The following RAC2 variants were observed in gnomAD, a reference collection of about 807,000 sequenced individuals.
The protein encoded by RAC2 is ras-related C3 botulinum toxin substrate 2.
A neutral mutation model predicts 24.0 loss-of-function variants in RAC2; 1 was observed. The ratio of observed to expected loss-of-function variants is 0.04; its 90% CI spans 0.01 to 0.20. The LOEUF is 0.20. RAC2 is among the 10% of genes least tolerant of loss of function. The pLI is 1.00. For synonymous variants in RAC2, 114 were observed against 106.8 expected, an observed-to-expected ratio of 1.07 and a Z score of -0.41; for missense variants, 130 against 259.1, an observed-to-expected ratio of 0.50 and a Z score of 3.42.
In RAC2 at chr22:37,233,530, G is replaced by A. The variant is rs189813729; in HGVS notation, c.108-612C>T. Among the ~76,000 whole-genome samples, 22 of 152,294 alleles carry A rather than the reference G, an allele frequency of 1.4e-4. No individual in the cohort carries two copies. In the East Asian group the frequency reaches 3.7e-3, roughly 25 times the overall value. On this transcript the variant is annotated intron_variant, in intron 2 of 6. Transcript: ENST00000249071. ...ACCCCTGAACTTAAGTGATCCGCCC[G>A]CCTCGGCCTCTCAAAGTGCTAGGAT...
At position 37,226,778 on chromosome 22, in the gene RAC2, T is replaced by C. The variant is rs1195995740; in HGVS notation, c.474A>G (p.Ser158=). The C allele has an allele frequency of 1.9e-6, 3 of 1,612,892 alleles. No homozygotes were observed. The highest frequency in any genetic ancestry group is 2.2e-5 in the South Asian group (2 of 91,088). Reference sequence around the variant, plus strand: ...TTTTCAGGCCTCTCTGGGTGAGAGCTGAGCACTCCAGGTATTTCACCGAGT... The same window carrying C: ...TTTTCAGGCCTCTCTGGGTGAGAGCCGAGCACTCCAGGTATTTCACCGAGT... ...EIDSVKYLEC[S]ALTQRGLKTV... Residue 158 remains serine, a synonymous_variant, in exon 6 of 7, where the codon TCA becomes TCG. Coordinates refer to ENST00000249071, the MANE Select transcript of RAC2 (RefSeq NM_002872.5).
In RAC2 at chr22:37,231,038, C is replaced by T. The variant is rs188898315; in HGVS notation, c.448+193G>A. 2.1e-3 allele frequency among the ~76,000 whole-genome samples: 320 copies of T among 152,314 alleles called. No individual in the cohort carries two copies. The highest frequency in any genetic ancestry group is 3.5e-3 in the Non-Finnish European group (238 of 68,026). ...CAGGAGGCAGGAGCTATCACTATCC[C>T]ATGCTTTTCTGATAAGGAAACACAG... On this transcript the variant is annotated intron_variant, in intron 5 of 6. Coordinates refer to ENST00000249071, the MANE Select transcript of RAC2 (RefSeq NM_002872.5). The surrounding 1 kb of genome is among the most constrained non-coding windows in gnomAD (Gnocchi z 5.5).
At chr22:37,242,793 G>A (rs1180433417) in intron 1 of RAC2, among the ~76,000 whole-genome samples, 1 of 152,264 alleles carries the variant, frequency 6.6e-6, no homozygotes, top group Non-Finnish European at 1.5e-5. Flanking sequence ...CCCCCACCTA[G>A]ATGGGTCACA....
At chr22:37,228,320 G>A (rs1162703459) in intron 5 of RAC2, among the ~76,000 whole-genome samples, 1 of 152,042 alleles carries the variant, frequency 6.6e-6, no homozygotes, top group East Asian at 1.9e-4. Flanking sequence ...CTAGAGCCCG[G>A]GGCACAGATG....
At chr22:37,241,687 C>A (rs555895499) in intron 1 of RAC2, 29 bp from the exon 2 acceptor site, 2 of 1,592,912 alleles carry the variant, frequency 1.3e-6, no homozygotes, top group African/African-American at 1.3e-5. Flanking sequence ...AAGAGGGCGG[C>A]GGTCATGGGC....
At chr22:37,229,140 A>G (rs1387729835) in intron 5 of RAC2, among the ~76,000 whole-genome samples, 1 of 152,210 alleles carries the variant, frequency 6.6e-6, no homozygotes, top group Non-Finnish European at 1.5e-5. Context: ...CTGGGGGGCC[A>G]GGGCTCACTT....
At chr22:37,236,260 T>G (rs1411657085) in intron 2 of RAC2, among the ~76,000 whole-genome samples, 1 of 152,220 alleles carries the variant, frequency 6.6e-6, no homozygotes, top group Non-Finnish European at 1.5e-5. Context: ...CAAATGCCCC[T>G]GCCACAGGGC....
chr22:37,234,391 C>T (rs1569090596), intron 2 of RAC2, among the ~76,000 whole-genome samples: 3 of 152,200 alleles, frequency 2.0e-5, no homozygotes, highest in Non-Finnish European at 4.4e-5. Flanking sequence ...GTGACTTGCC[C>T]AAGGCCACAC....
chr22:37,241,737 C>T (rs1402585116), intron 1 of RAC2, 79 bp from the exon 2 acceptor site: 45 of 1,312,046 alleles, frequency 3.4e-5, no homozygotes, highest in Non-Finnish European at 4.6e-5. Flanking sequence ...TGGTCCTCTG[C>T]AAAGACCTCA....
At chr22:37,226,849 G>C (rs751523605) in intron 5 of RAC2, 46 bp from the exon 6 acceptor site, 59 of 1,594,140 alleles carry the variant, frequency 3.7e-5, no homozygotes, top group Non-Finnish European at 4.9e-5. Context: ...AGTGGCGGGG[G>C]GGGTTCTGGG....
chr22:37,227,463 C>T (rs74203585), intron 5 of RAC2, among the ~76,000 whole-genome samples: 236 of 330 alleles, frequency 0.72, 76 homozygotes, highest in Middle Eastern at 1. Flanking sequence ...AGCCCTCCCA[C>T]GCCATACACC....
chr22:37,229,142 G>C (rs1926977892), intron 5 of RAC2, among the ~76,000 whole-genome samples: 1 of 152,198 alleles, frequency 6.6e-6, no homozygotes, highest in South Asian at 2.1e-4. Flanking sequence ...GGGGGGCCAG[G>C]GCTCACTTTG....
intron 3 of RAC2, 33 bp from the exon 4 acceptor site, chr22:37,232,027 G>A (rs1331759797): frequency 6.5e-7 from 1 of 1,549,396 alleles, no homozygotes; most frequent in South Asian, 1.2e-5. Context: ...TGCTAGTGAG[G>A]AGGGCCCAGA....
chr22:37,226,633 G>A (rs1435404688), intron 6 of RAC2, 38 bp downstream of exon 6: 3 of 1,609,474 alleles, frequency 1.9e-6, no homozygotes, highest in Admixed American at 1.7e-5. Flanking sequence ...AGGGCCTGCT[G>A]TGTATGGGAG....
At chr22:37,230,261 G>A (rs2145822720) in intron 5 of RAC2, among the ~76,000 whole-genome samples, 1 of 152,044 alleles carries the variant, frequency 6.6e-6, no homozygotes, top group South Asian at 2.1e-4. Context: ...TTCCGGCAGG[G>A]GGAGGTGGGG....
At chr22:37,228,388 A>G (rs1338305863) in intron 5 of RAC2, among the ~76,000 whole-genome samples, 1 of 152,262 alleles carries the variant, frequency 6.6e-6, no homozygotes, top group African/African-American at 2.4e-5. Context: ...ACATTCTGCA[A>G]AGAGTCCGTG....
Position 37,231,951 on chromosome 22 carries a change from T to C in RAC2, c.269A>G (p.Tyr90Cys), listed in dbSNP as rs1367115811. ...GCTCACCTTGGCGCGGACGTTCTCA[T>C]AAGAGGCTGGGCTGACGAGGGAGAA... The part of the protein sequence containing the change: ...ICFSLVSPAS[Y>C]ENVRAKWFPE... Residue 90 changes from tyrosine (Y) to cysteine (C), a missense_variant, in exon 4 of 7, where the codon TAT becomes TGT. Tyr to Cys is a radical substitution (Grantham distance 194). This residue lies in a region of RAC2 where 119 missense variants were observed against 192.1 expected (regional missense o/e 0.62). Transcript: ENST00000249071. The surrounding 1 kb of genome is among the most constrained non-coding windows in gnomAD (Gnocchi z 5.5). 1 of 1,552,200 alleles carries C rather than the reference T, an allele frequency of 6.4e-7. No individual in the cohort carries two copies. Among genetic ancestry groups the C allele is most frequent in the Admixed American group, 2.0e-5 (1 of 51,096 alleles).
At chr22:37,226,558 T>TA in intron 6 of RAC2, 113 bp downstream of exon 6, 2 of 1,411,840 alleles carry the variant, frequency 1.4e-6, no homozygotes, top group South Asian at 2.6e-5. Flanking sequence ...GCAACCTCCA[T>TA]ACCCACCTTC....
At chr22:37,240,306 G>A (rs562505387) in intron 2 of RAC2, among the ~76,000 whole-genome samples, 3 of 152,316 alleles carry the variant, frequency 2.0e-5, no homozygotes, top group Non-Finnish European at 2.9e-5. Flanking sequence ...AGAAATGAGG[G>A]CCCCCGCGAG....
Sources: allele counts gnomAD v4.1 joint callset (sites outside exome capture counted in the v4.1 genomes callset), GRCh38; gene constraint gnomAD v4.1.1; regional missense constraint gnomAD v4.1.1; non-coding constraint Gnocchi (gnomAD v3.1); transcripts MANE v1.5; gene names NCBI Gene and HGNC (gene_info 2026-07-23, HGNC 2026-07-21).